The following STK33 variants were observed in gnomAD, a reference collection of about 807,000 sequenced individuals.
STK33 encodes serine/threonine kinase 33, also known as serine/threonine-protein kinase 33.
Under a neutral mutation model 58.0 loss-of-function variants are expected in STK33, and 52 were observed. The ratio of observed to expected loss-of-function variants is 0.90; its 90% CI spans 0.72 to 1.13. The LOEUF is 1.13. Ranked by LOEUF, STK33 falls within the 50% of genes most tolerant of loss-of-function variation. The pLI is 0.00. For synonymous variants in STK33, 215 were observed against 200.1 expected (o/e 1.07, Z -0.63); for missense variants, 630 against 604.2 (o/e 1.04, Z -0.45).
At chr11:8,523,054 G>A (rs1953633400) in intron 1 of STK33, among the ~76,000 whole-genome samples, 2 of 152,212 alleles carry the variant, frequency 1.3e-5, no homozygotes, top group Admixed American at 1.3e-4. Context: ...TCGGCCTCCT[G>A]AGCTGCCGGG....
chr11:8,479,037 T>G (rs1949548674), intron 2 of STK33, among the ~76,000 whole-genome samples: 2 of 152,238 alleles, frequency 1.3e-5, no homozygotes, highest in Admixed American at 1.3e-4. Context: ...TTCCTTTCTA[T>G]TTTAATTTGC....
intron 1 of STK33, among the ~76,000 whole-genome samples, chr11:8,502,287 G>GAC (rs1370227260): frequency 6.6e-6 from 1 of 152,046 alleles, no homozygotes; most frequent in Non-Finnish European, 1.5e-5. Flanking sequence ...AACAAATACA[G>GAC]ACACACACCA....
intron 1 of STK33, among the ~76,000 whole-genome samples, chr11:8,515,587 A>C (rs186249540): frequency 2.6e-5 from 4 of 152,352 alleles, no homozygotes; most frequent in South Asian, 4.1e-4. Context: ...ATTCTCAACA[A>C]AACACTAGCA....
the STK33 span, among the ~76,000 whole-genome samples, chr11:8,340,844 CTTTTGTTTTG>C: frequency 6.6e-6 from 1 of 152,060 alleles, no homozygotes; most frequent in Admixed American, 6.6e-5. Flanking sequence ...AGGGGCCTAG[CTTTTGTTTTG>C]TTTTGTTTTG....
the STK33 span, among the ~76,000 whole-genome samples, chr11:8,342,547 G>T: frequency 6.6e-6 from 1 of 152,236 alleles, no homozygotes. Flanking sequence ...CCCCTTGAAG[G>T]AACTCAAGAT....
intron 15 of STK33, among the ~76,000 whole-genome samples, chr11:8,403,767 G>T (rs1404647191): frequency 6.6e-6 from 1 of 152,174 alleles, no homozygotes; most frequent in Non-Finnish European, 1.5e-5. Context: ...TGCAAGGGGA[G>T]ATATGTAACA....
At chr11:8,386,812 G>A in the STK33 span, among the ~76,000 whole-genome samples, 7 of 152,204 alleles carry the variant, frequency 4.6e-5, no homozygotes, top group Admixed American at 3.9e-4. Context: ...CACCTGCTCA[G>A]CGGCACAGCT....
intron 15 of STK33, among the ~76,000 whole-genome samples, chr11:8,399,220 A>C (rs2135211878): frequency 6.6e-6 from 1 of 152,326 alleles, no homozygotes; most frequent in Admixed American, 6.5e-5. Context: ...GTTGGAAGTA[A>C]AGCACTCCTC....
At chr11:8,351,179 A>G in the STK33 span, among the ~76,000 whole-genome samples, 1 of 152,078 alleles carries the variant, frequency 6.6e-6, no homozygotes, top group African/African-American at 2.4e-5. Flanking sequence ...CGCCAATTCT[A>G]TTCCCTAGTC....
the STK33 span, among the ~76,000 whole-genome samples, chr11:8,345,809 G>A: frequency 9.8e-5 from 15 of 152,352 alleles, no homozygotes; most frequent in Admixed American, 9.1e-4. Flanking sequence ...ACCAAGGAGG[G>A]CAATGAAAAT....
intron 14 of STK33, among the ~76,000 whole-genome samples, chr11:8,416,587 C>T (rs1009732483): frequency 6.6e-6 from 1 of 152,144 alleles, no homozygotes; most frequent in Non-Finnish European, 1.5e-5. Flanking sequence ...CACTACTGTA[C>T]AAAGCAAGGA....
the STK33 span, among the ~76,000 whole-genome samples, chr11:8,379,874 G>A: frequency 8.7e-3 from 1,326 of 152,270 alleles, 19 homozygotes; most frequent in African/African-American, 0.03. Context: ...GTGAGGACAT[G>A]TGGTATTTGG....
intron 11 of STK33, 79 bp from the exon 12 acceptor site, chr11:8,440,832 T>G: frequency 7.4e-7 from 1 of 1,348,310 alleles, no homozygotes; most frequent in Non-Finnish European, 1.0e-6. Flanking sequence ...GCATGAAAAA[T>G]GTGCTGATGT....
chr11:8,568,149 T>TA (rs1412572986), intron 1 of STK33, among the ~76,000 whole-genome samples: 1 of 152,182 alleles, frequency 6.6e-6, no homozygotes, highest in Non-Finnish European at 1.5e-5. Flanking sequence ...CATAAAACAA[T>TA]ATGATCACTA....
At chr11:8,475,105 T>C (rs1391060529) in intron 4 of STK33, 39 bp from the exon 5 acceptor site, 6 of 470,916 alleles carry the variant, frequency 1.3e-5, no homozygotes, top group Non-Finnish European at 2.2e-5. Flanking sequence ...GAGAAATTCT[T>C]AACCTATTAC....
chr11:8,441,639 G>C (rs1221477335), intron 11 of STK33, among the ~76,000 whole-genome samples: 2 of 152,054 alleles, frequency 1.3e-5, no homozygotes, highest in Non-Finnish European at 2.9e-5. Flanking sequence ...TTAGTGGCGT[G>C]AGACACCACA....
At chr11:8,407,560 T>C (rs925858017) in intron 15 of STK33, among the ~76,000 whole-genome samples, 4 of 152,142 alleles carry the variant, frequency 2.6e-5, no homozygotes, top group African/African-American at 9.6e-5. Flanking sequence ...TAACTGTTTT[T>C]GTACTTTTAA....
At chr11:8,550,188 TA>T (rs1956212001) in intron 1 of STK33, among the ~76,000 whole-genome samples, 1 of 152,236 alleles carries the variant, frequency 6.6e-6, no homozygotes. Flanking sequence ...TAATTCTTCT[TA>T]CAAAAATACT....
rs573211995 is a variant in STK33 at position 8,579,993 on chromosome 11, A to T, written c.-466+14090T>A. ...AAATGCTAGAGGAGATGTGGAGAAA[A>T]GGGAACCTTCATACACTGTTTTTGG... On this transcript the variant is annotated intron_variant, in intron 1 of 15. Transcript: ENST00000687296. 4.6e-5 allele frequency among the ~76,000 whole-genome samples: 7 copies of T among 152,326 alleles called. No homozygotes were observed. In the East Asian group the frequency reaches 1.3e-3, roughly 29 times the overall value.
Sources: allele counts gnomAD v4.1 joint callset (sites outside exome capture counted in the v4.1 genomes callset), GRCh38; gene constraint gnomAD v4.1.1; transcripts MANE v1.5; gene names NCBI Gene and HGNC (gene_info 2026-07-23, HGNC 2026-07-21).